COL4A2: variants seen among roughly 807,000 people sequenced by gnomAD.
COL4A2 encodes the protein collagen type IV alpha 2 chain, also known as collagen alpha-2(IV) chain.
A neutral mutation model predicts 200.2 loss-of-function variants in COL4A2; 99 were observed. The observed-to-expected ratio is 0.49, with a 90% CI of 0.42 to 0.58. The LOEUF is 0.58. Among genes scored for constraint, COL4A2 ranks in the 20% least tolerant of loss-of-function variants. The probability of loss-of-function intolerance (pLI) is 0.00; values close to 1 mark genes in which losing one functional copy is unlikely to be tolerated. For synonymous variants in COL4A2, 897 were observed against 900.6 expected (o/e 1.00, Z 0.07); for missense variants, 1,950 against 2,314.1 (o/e 0.84, Z 3.23).
At chr13:110,356,329 G>A (rs955131903) in intron 3 of COL4A2, among the ~76,000 whole-genome samples, 16 of 152,146 alleles carry the variant, frequency 1.1e-4, no homozygotes, top group African/African-American at 3.4e-4. Flanking sequence ...AGTGTGTCCC[G>A]TAGGGCGAAG....
In COL4A2 at chr13:110,489,799, T is replaced by A; in HGVS notation, c.3346+14T>A. The A allele has an allele frequency of 6.3e-7, 1 of 1,599,336 alleles. No individual in the cohort carries two copies. The highest frequency in any genetic ancestry group is 8.5e-7 in the Non-Finnish European group (1 of 1,173,622). On this transcript the variant is annotated intron_variant, in intron 36 of 47. Transcript: ENST00000360467. ...CTGGAATACCAGGTACGCAAGTTAT[T>A]TTCCTTGTCTTCATCTTCAACAACA...
Position 110,328,815 on chromosome 13 carries a change from C to CT in COL4A2, c.99+20693dup, listed in dbSNP as rs1156745517. On this transcript the variant is annotated intron_variant, in intron 3 of 47. Transcript: ENST00000360467. Reference sequence around the variant, plus strand: ...GCGGATCCAAAGCTACCATGGAGCCCTAGTCCACTGCAGTCTTGATAAACT... The same window carrying CT: ...GCGGATCCAAAGCTACCATGGAGCCCTTAGTCCACTGCAGTCTTGATAAACT... 2.1e-4 allele frequency among the ~76,000 whole-genome samples: 32 copies of CT among 152,320 alleles called. No homozygotes were observed. In the East Asian group the frequency reaches 5.0e-3, roughly 24 times the overall value.
chr13:110,344,657 G>A (rs578072624), intron 3 of COL4A2, among the ~76,000 whole-genome samples: 42 of 152,196 alleles, frequency 2.8e-4, no homozygotes, highest in African/African-American at 8.7e-4. Context: ...CCCCAGGGCC[G>A]CAGTATTCTC....
rs778118664 is a variant in COL4A2 at position 110,465,654 on chromosome 13, A to G, written c.1978+48A>G. ...ACCTTTCACAGTCCTGAGACATTCC[A>G]CGCTTTCCTTTGTCAGTGTAGACGT... On this transcript the variant is annotated intron_variant, in intron 25 of 47. Transcript: ENST00000360467. The G allele has an allele frequency of 3.4e-6, 5 of 1,484,130 alleles. No homozygotes were observed. In the South Asian group the frequency reaches 6.2e-5, roughly 18 times the overall value. 91.9% of individuals were successfully genotyped at this position (1,484,130 alleles called of 1,614,324 possible).
intron 3 of COL4A2, among the ~76,000 whole-genome samples, chr13:110,347,523 G>A (rs1281011621): frequency 6.6e-6 from 1 of 152,194 alleles, no homozygotes; most frequent in Non-Finnish European, 1.5e-5. Context: ...AGCATCCTGG[G>A]TTCTCAGCAG....
intron 4 of COL4A2, among the ~76,000 whole-genome samples, chr13:110,362,901 A>C (rs1877579933): frequency 6.6e-6 from 1 of 152,240 alleles, no homozygotes; most frequent in African/African-American, 2.4e-5. Flanking sequence ...TTATTTCAGT[A>C]ACTTAGCCAG....
chr13:110,482,745 G>A (rs1882977676), intron 32 of COL4A2, 86 bp downstream of exon 32: 1 of 1,446,292 alleles, frequency 6.9e-7, no homozygotes, highest in Admixed American at 2.2e-5. Flanking sequence ...TGCCCAGAAT[G>A]AATTTTTGAA....
chr13:110,429,208 C>T (rs1880585030), intron 7 of COL4A2: 1 of 152,178 alleles, frequency 6.6e-6, no homozygotes. Flanking sequence ...CATTAATCAC[C>T]TTCATCACGT....
chr13:110,373,365 G>A (rs1048055339), intron 4 of COL4A2, among the ~76,000 whole-genome samples: 2 of 152,178 alleles, frequency 1.3e-5, no homozygotes, highest in African/African-American at 2.4e-5. Context: ...TCTTAAGAAC[G>A]TTTTAAATCT....
At chr13:110,490,092 C>G (rs569605491) in intron 36 of COL4A2, among the ~76,000 whole-genome samples, 2 of 152,318 alleles carry the variant, frequency 1.3e-5, no homozygotes, top group South Asian at 4.1e-4. Flanking sequence ...AGCTAGCACC[C>G]TGACTCCCGG....
At chr13:110,465,670 G>A (rs1882212725) in intron 25 of COL4A2, 64 bp downstream of exon 25, 9 of 1,399,118 alleles carry the variant, frequency 6.4e-6, no homozygotes, top group Non-Finnish European at 8.8e-6. Flanking sequence ...TCCTTTGTCA[G>A]TGTAGACGTT....
At chr13:110,343,706 G>C (rs1460240076) in intron 3 of COL4A2, among the ~76,000 whole-genome samples, 1 of 152,190 alleles carries the variant, frequency 6.6e-6, no homozygotes, top group Non-Finnish European at 1.5e-5. Context: ...CAATGCAAAC[G>C]GGGACCTTCC....
intron 22 of COL4A2, among the ~76,000 whole-genome samples, chr13:110,460,288 G>A (rs941839794): frequency 2.2e-4 from 33 of 152,188 alleles, no homozygotes; most frequent in Admixed American, 5.9e-4. Context: ...AATGAGACCC[G>A]GGCACCTCGC....
At chr13:110,318,268 G>T (rs1307291504) in intron 3 of COL4A2, among the ~76,000 whole-genome samples, 1 of 152,202 alleles carries the variant, frequency 6.6e-6, no homozygotes, top group Non-Finnish European at 1.5e-5. Context: ...CTGGGTCAGA[G>T]CAAGGACAAG....
intron 40 of COL4A2, among the ~76,000 whole-genome samples, chr13:110,500,760 G>A (rs1373630445): frequency 1.3e-5 from 2 of 152,142 alleles, no homozygotes; most frequent in East Asian, 1.9e-4. Flanking sequence ...TCTGTGTAAC[G>A]GCACCTTGTT....
chr13:110,436,467 C>T, intron 13 of COL4A2, 100 bp downstream of exon 13: 1 of 1,443,550 alleles, frequency 6.9e-7, no homozygotes, highest in Non-Finnish European at 9.2e-7. Flanking sequence ...GTAGAAAAAG[C>T]CTCACCACCA....
intron 4 of COL4A2, among the ~76,000 whole-genome samples, chr13:110,420,892 A>C (rs1330179186): frequency 6.6e-6 from 1 of 152,234 alleles, no homozygotes; most frequent in Non-Finnish European, 1.5e-5. Context: ...CATTGTGCAC[A>C]GCGGAGAGGG....
At chr13:110,366,775 A>G (rs948834618) in intron 4 of COL4A2, among the ~76,000 whole-genome samples, 4 of 152,226 alleles carry the variant, frequency 2.6e-5, no homozygotes, top group Non-Finnish European at 4.4e-5. Context: ...GTCTGTTACT[A>G]TCATTGACAT....
intron 3 of COL4A2, among the ~76,000 whole-genome samples, chr13:110,311,652 C>A (rs1884986108): frequency 6.6e-6 from 1 of 152,196 alleles, no homozygotes; most frequent in African/African-American, 2.4e-5. Context: ...TAAGGGACTT[C>A]CCCTCGGCTG....
Sources: allele counts gnomAD v4.1 joint callset (sites outside exome capture counted in the v4.1 genomes callset), GRCh38; gene constraint gnomAD v4.1.1; transcripts MANE v1.5; gene names NCBI Gene and HGNC (gene_info 2026-07-23, HGNC 2026-07-21).